ZBTB7C: variants seen among roughly 807,000 people sequenced by gnomAD.
ZBTB7C encodes the protein zinc finger and BTB domain-containing protein 7C.
ZBTB7C carries 8 observed loss-of-function variants against 25.7 expected under a neutral mutation model. The observed-to-expected ratio is 0.31, with a 90% CI of 0.18 to 0.56. The LOEUF is 0.56. Ranked by LOEUF, ZBTB7C falls within the 20% of genes least tolerant of loss-of-function variation. The pLI, the probability that ZBTB7C is intolerant of heterozygous loss-of-function variation, is 0.91. For synonymous variants in ZBTB7C, 394 were observed against 369.0 expected, an observed-to-expected ratio of 1.07 and a Z score of -0.78; for missense variants, 824 against 855.2, an observed-to-expected ratio of 0.96 and a Z score of 0.46.
intron 2 of ZBTB7C, among the ~76,000 whole-genome samples, chr18:48,221,305 CT>C (rs1423014961): frequency 6.7e-6 from 1 of 149,542 alleles, no homozygotes; most frequent in Non-Finnish European, 1.5e-5. Context: ...CTGTCCCAGT[CT>C]CCCTCTATAC....
intron 2 of ZBTB7C, among the ~76,000 whole-genome samples, chr18:48,192,506 C>T (rs910979762): frequency 6.6e-6 from 1 of 152,208 alleles, no homozygotes. Context: ...CTTTGTCACC[C>T]AGGCTGGAGT....
intron 3 of ZBTB7C, among the ~76,000 whole-genome samples, chr18:48,138,338 T>TA (rs2040236767): frequency 6.6e-6 from 1 of 152,148 alleles, no homozygotes; most frequent in Non-Finnish European, 1.5e-5. Flanking sequence ...ATTCCAATGT[T>TA]AGAGATTCAT....
intron 2 of ZBTB7C, among the ~76,000 whole-genome samples, chr18:48,271,490 ATATT>A (rs1485070492): frequency 6.7e-6 from 1 of 148,252 alleles, no homozygotes; most frequent in African/African-American, 2.5e-5. Flanking sequence ...AATCAAATAA[ATATT>A]TATATTATAT....
chr18:48,100,488 T>C (rs2038790340), intron 3 of ZBTB7C, among the ~76,000 whole-genome samples: 1 of 152,158 alleles, frequency 6.6e-6, no homozygotes, highest in Non-Finnish European at 1.5e-5. Context: ...TGGGAGAGTA[T>C]CTTAAATTCT....
intron 1 of ZBTB7C, among the ~76,000 whole-genome samples, chr18:48,375,321 A>C (rs189200813): frequency 1.6e-4 from 24 of 152,306 alleles, no homozygotes; most frequent in Admixed American, 1.0e-3. Flanking sequence ...GGACTCCTGG[A>C]AGCATGAGAT....
intron 2 of ZBTB7C, among the ~76,000 whole-genome samples, chr18:48,330,751 G>C (rs139125944): frequency 2.6e-5 from 4 of 152,210 alleles, no homozygotes; most frequent in Middle Eastern, 3.4e-3. Flanking sequence ...AGAAGAAAAG[G>C]GGGTGGAGAC....
intron 2 of ZBTB7C, among the ~76,000 whole-genome samples, chr18:48,266,860 G>T (rs1166373270): frequency 1.3e-5 from 2 of 151,596 alleles, no homozygotes; most frequent in Non-Finnish European, 2.9e-5. Flanking sequence ...ATGTATTTAT[G>T]AGTATCATTT....
At chr18:48,202,484 G>T (rs1435993795) in intron 2 of ZBTB7C, among the ~76,000 whole-genome samples, 1 of 151,832 alleles carries the variant, frequency 6.6e-6, no homozygotes, top group Non-Finnish European at 1.5e-5. Flanking sequence ...TGGGGGGCGG[G>T]GGGTGGCTGG....
intron 2 of ZBTB7C, among the ~76,000 whole-genome samples, chr18:48,316,675 C>A (rs535816058): frequency 2.0e-5 from 3 of 152,222 alleles, no homozygotes; most frequent in African/African-American, 7.2e-5. Flanking sequence ...CCCTTGCCTG[C>A]CATGATTAAA....
chr18:48,334,440 A>G (rs1453669824), intron 2 of ZBTB7C, among the ~76,000 whole-genome samples: 1 of 152,132 alleles, frequency 6.6e-6, no homozygotes, highest in Non-Finnish European at 1.5e-5. Context: ...TTTAAATCAA[A>G]TCTGCAGCCT....
In ZBTB7C at chr18:48,046,677, C is replaced by T. The variant is rs180869671; in HGVS notation, c.-16-5554G>A. ...GTGATCAGCGTCCCACTGTGATAAC[C>T]ATCCGAGCACTCTGAGAAATGGCGT... On this transcript the variant is annotated intron_variant, in intron 3 of 4. Transcript: ENST00000590800. Among the ~76,000 whole-genome samples, 10 of 152,320 alleles carry T rather than the reference C, an allele frequency of 6.6e-5. No individual in the cohort carries two copies. The East Asian group carries it at 1.9e-3, about 29-fold the overall frequency.
intron 2 of ZBTB7C, among the ~76,000 whole-genome samples, chr18:48,296,786 C>A (rs940865273): frequency 2.0e-5 from 3 of 151,484 alleles, no homozygotes; most frequent in Non-Finnish European, 4.4e-5. Flanking sequence ...GTGGAGCCAG[C>A]ATTACTGCCT....
At chr18:48,301,336 G>A (rs561926352) in intron 2 of ZBTB7C, among the ~76,000 whole-genome samples, 21 of 152,234 alleles carry the variant, frequency 1.4e-4, no homozygotes, top group Non-Finnish European at 2.5e-4. Context: ...AAAATTAGCC[G>A]AGTGTGGTGG....
At chr18:48,412,285 C>T (rs186533559), upstream of ZBTB7C, among the ~76,000 whole-genome samples, 130 of 152,162 alleles carry the variant, frequency 8.5e-4, no homozygotes, top group African/African-American at 2.7e-3. Flanking sequence ...ACCTATTTCC[C>T]GAGGATGTTG....
intron 3 of ZBTB7C, among the ~76,000 whole-genome samples, chr18:48,076,390 G>A (rs2037765670): frequency 6.6e-6 from 1 of 152,194 alleles, no homozygotes; most frequent in African/African-American, 2.4e-5. Context: ...AAAGAAAAAT[G>A]GAAAGTGCTG....
chr18:48,162,841 A>G (rs1377663116), intron 3 of ZBTB7C, among the ~76,000 whole-genome samples: 1 of 152,238 alleles, frequency 6.6e-6, no homozygotes, highest in Non-Finnish European at 1.5e-5. Context: ...CAGGATGGAG[A>G]GGACAGGCTC....
intron 3 of ZBTB7C, chr18:48,162,395 C>A (rs923789370): frequency 1.5e-5 from 7 of 456,540 alleles, no homozygotes; most frequent in Non-Finnish European, 3.1e-5. Flanking sequence ...TCAGTTGTTG[C>A]ATCTGTAAAA....
chr18:48,397,904 C>T (rs1225040601), intron 1 of ZBTB7C, among the ~76,000 whole-genome samples: 2 of 152,222 alleles, frequency 1.3e-5, no homozygotes, highest in African/African-American at 4.8e-5. Flanking sequence ...CCTAATGCAC[C>T]TTGTATTCCC....
intron 2 of ZBTB7C, among the ~76,000 whole-genome samples, chr18:48,236,423 C>T (rs73433357): frequency 0.01 from 1,593 of 152,252 alleles, 36 homozygotes; most frequent in African/African-American, 0.037. Flanking sequence ...GCAAATGAAC[C>T]CTAGGGAAAC....
Sources: allele counts gnomAD v4.1 joint callset (sites outside exome capture counted in the v4.1 genomes callset), GRCh38; gene constraint gnomAD v4.1.1; transcripts MANE v1.5; gene names NCBI Gene and HGNC (gene_info 2026-07-23, HGNC 2026-07-21).